The following HDAC9 variants were observed in gnomAD, a reference collection of about 807,000 sequenced individuals.
The protein encoded by HDAC9 is MEF-2 interacting transcription repressor (MITR) protein.
In HDAC9, 41 loss-of-function variants were observed where a neutral mutation model predicts 139.4. The observed-to-expected ratio is 0.29, with a 90% confidence interval of 0.23 to 0.38. The LOEUF (loss-of-function observed/expected upper bound fraction) is 0.38. Ranked by LOEUF, HDAC9 falls within the 10% of genes least tolerant of loss-of-function variation. The probability of loss-of-function intolerance (pLI) is 1.00; values close to 1 mark genes in which losing one functional copy is unlikely to be tolerated. For synonymous variants in HDAC9, 517 were observed against 476.2 expected (o/e 1.09, Z -1.12); for missense variants, 1,147 against 1,297.0 (o/e 0.88, Z 1.78).
At chr7:18,111,025 G>T (rs1175886190) in intron 1 of HDAC9, among the ~76,000 whole-genome samples, 1 of 152,108 alleles carries the variant, frequency 6.6e-6, no homozygotes, top group African/African-American at 2.4e-5. Flanking sequence ...GTGCTTATGG[G>T]TTATTCATTT....
intron 2 of HDAC9, among the ~76,000 whole-genome samples, chr7:18,264,764 T>C (rs1795897228): frequency 6.6e-6 from 1 of 152,240 alleles, no homozygotes; most frequent in African/African-American, 2.4e-5. Context: ...ACTATCTATC[T>C]TATTGACATC....
intron 17 of HDAC9, among the ~76,000 whole-genome samples, chr7:18,800,818 G>A (rs1157790050): frequency 6.6e-6 from 1 of 152,042 alleles, no homozygotes; most frequent in African/African-American, 2.4e-5. Flanking sequence ...GGAAGACAGA[G>A]CGAGGCCTTG....
At chr7:18,358,372 A>T (rs1290038696) in intron 1 of HDAC9, among the ~76,000 whole-genome samples, 8 of 152,222 alleles carry the variant, frequency 5.3e-5, no homozygotes, top group Admixed American at 2.0e-4. Context: ...TTTCCTATAA[A>T]GTTATAAATA....
intron 2 of HDAC9, among the ~76,000 whole-genome samples, chr7:18,559,114 C>T (rs998087149): frequency 2.0e-5 from 3 of 152,172 alleles, no homozygotes; most frequent in Non-Finnish European, 2.9e-5. Flanking sequence ...AAGCATCCCC[C>T]GACTGACAAG....
intron 13 of HDAC9, among the ~76,000 whole-genome samples, chr7:18,739,593 G>C (rs1787252266): frequency 6.6e-6 from 1 of 152,182 alleles, no homozygotes; most frequent in Non-Finnish European, 1.5e-5. Flanking sequence ...CACCAGTGAA[G>C]GCTGCAGAAC....
intron 2 of HDAC9, among the ~76,000 whole-genome samples, chr7:18,211,673 G>T (rs1791947623): frequency 6.6e-6 from 1 of 152,150 alleles, no homozygotes; most frequent in African/African-American, 2.4e-5. Context: ...AATGACTTTT[G>T]TGGTTATGTA....
intron 1 of HDAC9, among the ~76,000 whole-genome samples, chr7:18,148,623 A>AT (rs553006898): frequency 9.2e-4 from 140 of 151,750 alleles, no homozygotes; most frequent in African/African-American, 3.1e-3. Flanking sequence ...CGCCCAGCTA[A>AT]TTTTTTTTGT....
intron 1 of HDAC9, among the ~76,000 whole-genome samples, chr7:18,336,313 A>T (rs1329829797): frequency 6.6e-6 from 1 of 151,578 alleles, no homozygotes; most frequent in Non-Finnish European, 1.5e-5. Context: ...CTGGTTATCC[A>T]TGTGCTATAT....
chr7:18,526,273 C>T lies in HDAC9; in HGVS notation c.22+29949C>T, dbSNP rs547138097. ...ATCATCTTCCTATTAGACTGATATACAAGTCTCCCCATTGACCACCCCCAA... is the reference window on the plus strand; with the variant it reads ...ATCATCTTCCTATTAGACTGATATATAAGTCTCCCCATTGACCACCCCCAA... On this transcript the variant is annotated intron_variant, in intron 2 of 25. Coordinates refer to ENST00000686413, the MANE Select transcript of HDAC9 (RefSeq NM_178425.4). 2.0e-5 allele frequency among the ~76,000 whole-genome samples: 3 copies of T among 152,252 alleles called. No homozygotes were observed. In the East Asian group the frequency reaches 5.8e-4, roughly 29 times the overall value.
At chr7:18,374,199 G>GTA (rs371983993) in intron 1 of HDAC9, among the ~76,000 whole-genome samples, 7,790 of 143,062 alleles carry the variant, frequency 0.054, 169 homozygotes, top group East Asian at 0.07. Context: ...ATGTATGTGT[G>GTA]TATATATATA....
At chr7:18,379,807 AC>A (rs1447225965) in intron 1 of HDAC9, among the ~76,000 whole-genome samples, 2 of 152,048 alleles carry the variant, frequency 1.3e-5, no homozygotes, top group East Asian at 1.9e-4. Context: ...CTATTTCTTG[AC>A]CCTCACATGT....
intron 2 of HDAC9, among the ~76,000 whole-genome samples, chr7:18,163,638 C>T (rs986354463): frequency 6.6e-6 from 1 of 152,104 alleles, no homozygotes; most frequent in Non-Finnish European, 1.5e-5. Context: ...TACAGACAAC[C>T]TTGTTTAAGT....
chr7:18,854,032 T>A lies in HDAC9; in HGVS notation c.2684+18035T>A, dbSNP rs187124796. On this transcript the variant is annotated intron_variant, in intron 21 of 25. Transcript: ENST00000686413. ...TGGAACATAGTGACATACTCTTAATTCCTCTAGTATAAATAAATAGACATC... is the reference window on the plus strand; with the variant it reads ...TGGAACATAGTGACATACTCTTAATACCTCTAGTATAAATAAATAGACATC... Among the ~76,000 whole-genome samples, 35 of 152,280 alleles carry A rather than the reference T, an allele frequency of 2.3e-4. No individual in the cohort carries two copies. In the East Asian group the frequency reaches 6.0e-3, roughly 26 times the overall value.
intron 1 of HDAC9, among the ~76,000 whole-genome samples, chr7:18,292,581 A>G (rs1291463592): frequency 1.3e-5 from 2 of 152,136 alleles, no homozygotes; most frequent in Non-Finnish European, 2.9e-5. Context: ...TACCGCTGTA[A>G]AAAGTAAATA....
intron 1 of HDAC9, among the ~76,000 whole-genome samples, chr7:18,095,736 A>C (rs1240384267): frequency 6.6e-6 from 1 of 152,200 alleles, no homozygotes. Context: ...CAAACCCAAC[A>C]AACAAATGTT....
intron 1 of HDAC9, among the ~76,000 whole-genome samples, chr7:18,357,257 G>A (rs1783390183): frequency 6.6e-6 from 1 of 152,030 alleles, no homozygotes; most frequent in Admixed American, 6.6e-5. Flanking sequence ...TGTGAAAAAG[G>A]GTAGACATCA....
chr7:18,988,576 G>T (rs1446598638), intron 25 of HDAC9, among the ~76,000 whole-genome samples: 1 of 152,062 alleles, frequency 6.6e-6, no homozygotes, highest in East Asian at 1.9e-4. Flanking sequence ...ATGTCTATCA[G>T]GTCCGCTTGG....
intron 25 of HDAC9, among the ~76,000 whole-genome samples, chr7:18,981,076 T>C (rs1242785023): frequency 2.0e-5 from 3 of 152,030 alleles, no homozygotes; most frequent in African/African-American, 4.8e-5. Flanking sequence ...AGCCCACTTC[T>C]GCCTCCCAAA....
At position 18,996,077 on chromosome 7, in the gene HDAC9, C is replaced by T. The variant is rs374718487; in HGVS notation, c.*15C>T. 1.9e-6 allele frequency: 3 copies of T among 1,593,912 alleles called. No homozygotes were observed. The African/African-American group carries it at 4.0e-5, about 21-fold the overall frequency. ...CAGCCTTGTGAAGTGCCAAGTCCCC[C>T]TCTGATATTTCCTGTGTGTGACATC... is the stretch of plus-strand genomic sequence containing the variant. On this transcript the variant is annotated 3_prime_UTR_variant, in exon 26 of 26. Transcript: ENST00000686413.
Sources: allele counts gnomAD v4.1 joint callset (sites outside exome capture counted in the v4.1 genomes callset), GRCh38; gene constraint gnomAD v4.1.1; transcripts MANE v1.5; gene names NCBI Gene and HGNC (gene_info 2026-07-23, HGNC 2026-07-21).